SPAG16: variants seen among roughly 807,000 people sequenced by gnomAD.
SPAG16 encodes sperm-associated antigen 16 protein.
In SPAG16, 86 loss-of-function variants were observed where a neutral mutation model predicts 80.4. The observed-to-expected ratio is 1.07, with a 90% CI of 0.90 to 1.28. The LOEUF (loss-of-function observed/expected upper bound fraction) is 1.28. Ranked by LOEUF, SPAG16 falls within the 50% of genes most tolerant of loss-of-function variation. SPAG16 has a pLI of 0.00. For synonymous variants in SPAG16, 294 were observed against 265.9 expected (o/e 1.11, Z -1.03); for missense variants, 870 against 765.3 (o/e 1.14, Z -1.61).
intron 12 of SPAG16, among the ~76,000 whole-genome samples, chr2:213,995,952 C>A (rs1463132022): frequency 2.0e-5 from 3 of 152,178 alleles, no homozygotes; most frequent in Non-Finnish European, 2.9e-5. Flanking sequence ...AGGGAATCTA[C>A]CTCACTCTTT....
At chr2:214,276,471 C>T (rs142915102) in intron 15 of SPAG16, among the ~76,000 whole-genome samples, 2,511 of 152,274 alleles carry the variant, frequency 0.016, 45 homozygotes, top group East Asian at 0.068. Flanking sequence ...CCTTCAGGAG[C>T]TCTTTTAAGG....
At chr2:213,291,590 A>C (rs2126056912) in intron 1 of SPAG16, among the ~76,000 whole-genome samples, 1 of 152,308 alleles carries the variant, frequency 6.6e-6, no homozygotes, top group African/African-American at 2.4e-5. Flanking sequence ...GGGGTCTTCA[A>C]ATTGAGCTAT....
At chr2:213,337,850 C>T (rs1234151766) in intron 5 of SPAG16, among the ~76,000 whole-genome samples, 2 of 152,022 alleles carry the variant, frequency 1.3e-5, no homozygotes, top group Non-Finnish European at 2.9e-5. Flanking sequence ...GGCCAGTGTT[C>T]AAATTCAGGA....
chr2:213,969,087 A>G (rs1398607050), intron 12 of SPAG16, among the ~76,000 whole-genome samples: 1 of 152,224 alleles, frequency 6.6e-6, no homozygotes, highest in African/African-American at 2.4e-5. Flanking sequence ...TGGGAGCAAG[A>G]ACTACAACAG....
intron 10 of SPAG16, among the ~76,000 whole-genome samples, chr2:213,503,819 A>T (rs1172320715): frequency 6.6e-6 from 1 of 152,158 alleles, no homozygotes; most frequent in Non-Finnish European, 1.5e-5. Context: ...AACCGGACCC[A>T]GGTTCAGCTC....
At chr2:214,340,064 A>G (rs1056717749) in intron 15 of SPAG16, among the ~76,000 whole-genome samples, 1 of 152,234 alleles carries the variant, frequency 6.6e-6, no homozygotes, top group Non-Finnish European at 1.5e-5. Context: ...TTTGTTACAC[A>G]GTAATAGAAA....
rs563610584 is a variant in SPAG16, at chr2:213,981,450, T to C, written c.1401-32501T>C. On this transcript the variant is annotated intron_variant, in intron 12 of 15. Transcript: ENST00000331683. ...ATCCAGACAGTGAGTTTTTCATATA[T>C]TTATGTTCCCAATAATTAAGTTACT... Among the ~76,000 whole-genome samples the C allele has an allele frequency of 7.9e-5, 12 of 152,240 alleles. No homozygotes were observed. The East Asian group carries it at 2.1e-3, about 27-fold the overall frequency.
At chr2:213,422,176 G>GC in intron 9 of SPAG16, 1 of 700,768 alleles carries the variant, frequency 1.4e-6, no homozygotes, top group Non-Finnish European at 2.6e-6. Context: ...CCTTCAGGGA[G>GC]CCCAGACCTA....
At chr2:214,396,876 T>C (rs550876047) in intron 15 of SPAG16, among the ~76,000 whole-genome samples, 1 of 152,158 alleles carries the variant, frequency 6.6e-6, no homozygotes, top group African/African-American at 2.4e-5. Flanking sequence ...AAACATAAAA[T>C]GTATCATCTT....
intron 9 of SPAG16, among the ~76,000 whole-genome samples, chr2:213,453,174 TATC>T (rs1373570339): frequency 1.3e-5 from 2 of 152,232 alleles, no homozygotes; most frequent in African/African-American, 4.8e-5. Context: ...CACTTATCAA[TATC>T]ATTCTTGATC....
intron 8 of SPAG16, among the ~76,000 whole-genome samples, chr2:213,368,166 T>G (rs1256577966): frequency 6.6e-6 from 1 of 152,338 alleles, no homozygotes; most frequent in African/African-American, 2.4e-5. Flanking sequence ...TTGGTACCAG[T>G]ACCATGCTGT....
rs577657508 is a variant in SPAG16 at position 213,603,987 on chromosome 2, G to A, written c.1070+113897G>A. Among the ~76,000 whole-genome samples, 281 of 150,530 alleles carry A rather than the reference G, an allele frequency of 1.9e-3. 2 individuals are homozygous for A. The highest frequency in any genetic ancestry group is 6.5e-3 in the African/African-American group (267 of 40,798). ...TGGCCAGGCTGAAGAGCAATGGCAC[G>A]ATCTTGGCTCACTGTATCCTCTGCC... On this transcript the variant is annotated intron_variant, in intron 10 of 15. Transcript: ENST00000331683.
At chr2:213,378,765 T>C (rs1487944456) in intron 9 of SPAG16, among the ~76,000 whole-genome samples, 1 of 152,212 alleles carries the variant, frequency 6.6e-6, no homozygotes, top group Non-Finnish European at 1.5e-5. Flanking sequence ...TTGTGGATTT[T>C]TTCCTGGTGG....
intron 13 of SPAG16, among the ~76,000 whole-genome samples, chr2:214,023,981 G>T (rs1466769691): frequency 6.6e-6 from 1 of 151,524 alleles, no homozygotes; most frequent in Non-Finnish European, 1.5e-5. Context: ...TCTGTAAGAG[G>T]TAAAAATAAT....
At chr2:214,187,365 C>T (rs1027812308) in intron 15 of SPAG16, among the ~76,000 whole-genome samples, 5 of 151,982 alleles carry the variant, frequency 3.3e-5, no homozygotes, top group African/African-American at 9.7e-5. Flanking sequence ...TTTATATGGG[C>T]AAGTTGATGT....
intron 14 of SPAG16, among the ~76,000 whole-genome samples, chr2:214,114,401 C>CT (rs2053828159): frequency 6.6e-6 from 1 of 152,218 alleles, no homozygotes. Context: ...CAGAAGTTGT[C>CT]TGCTGCCTTT....
chr2:213,309,890 A>T (rs550019187), intron 3 of SPAG16, among the ~76,000 whole-genome samples, 169 bp from the exon 4 acceptor site: 22 of 152,128 alleles, frequency 1.4e-4, no homozygotes, highest in African/African-American at 5.1e-4. Flanking sequence ...GTTTGCTTTC[A>T]TCTGCTTTAT....
At chr2:213,621,623 A>T (rs1313168691) in intron 10 of SPAG16, among the ~76,000 whole-genome samples, 1 of 152,216 alleles carries the variant, frequency 6.6e-6, no homozygotes, top group Non-Finnish European at 1.5e-5. Flanking sequence ...AGGGAGAATT[A>T]ATTGTGTATG....
chr2:213,556,307 A>G (rs947370891), intron 10 of SPAG16, among the ~76,000 whole-genome samples: 20 of 134,186 alleles, frequency 1.5e-4, no homozygotes, highest in Non-Finnish European at 3.1e-4. Context: ...CAAAAAAAAA[A>G]AAACCAAAAA....
Sources: allele counts gnomAD v4.1 joint callset (sites outside exome capture counted in the v4.1 genomes callset), GRCh38; gene constraint gnomAD v4.1.1; transcripts MANE v1.5; gene names NCBI Gene and HGNC (gene_info 2026-07-23, HGNC 2026-07-21).